The following NAALADL2 variants were observed in gnomAD, a reference collection of about 807,000 sequenced individuals.
NAALADL2 encodes N-acetylated alpha-linked acidic dipeptidase like 2.
A neutral mutation model predicts 87.2 loss-of-function variants in NAALADL2; 76 were observed. That is an observed-to-expected ratio of 0.87 (90% CI 0.72 to 1.05). The LOEUF (loss-of-function observed/expected upper bound fraction) is 1.05, where lower values mean the gene tolerates loss of function less well. Ranked by LOEUF, NAALADL2 falls within the 50% of genes least tolerant of loss-of-function variation. The pLI, the probability that NAALADL2 is intolerant of heterozygous loss-of-function variation, is 0.00. For synonymous variants in NAALADL2, 354 were observed against 331.0 expected (o/e 1.07, Z -0.75); for missense variants, 1,089 against 945.8 (o/e 1.15, Z -1.99).
chr3:175,514,172 C>A (rs1731535584), intron 9 of NAALADL2, among the ~76,000 whole-genome samples: 1 of 152,116 alleles, frequency 6.6e-6, no homozygotes, highest in African/African-American at 2.4e-5. Flanking sequence ...TTCTATAACC[C>A]TTGTAATTCA....
chr3:175,633,747 T>A (rs1336440693), intron 11 of NAALADL2, among the ~76,000 whole-genome samples: 2 of 151,738 alleles, frequency 1.3e-5, no homozygotes, highest in South Asian at 2.1e-4. Flanking sequence ...GAGAAAAAAA[T>A]TCCTTATTTT....
At chr3:175,411,007 G>A (rs1479038576) in intron 5 of NAALADL2, among the ~76,000 whole-genome samples, 4 of 152,082 alleles carry the variant, frequency 2.6e-5, no homozygotes, top group Non-Finnish European at 4.4e-5. Context: ...TTTTGGATGC[G>A]GTGTTATAGG....
At chr3:174,949,960 T>A (rs1052853472) in intron 1 of NAALADL2, among the ~76,000 whole-genome samples, 4 of 152,306 alleles carry the variant, frequency 2.6e-5, no homozygotes, top group African/African-American at 9.6e-5. Flanking sequence ...CATTGTCTAT[T>A]TGCATTGGAA....
At chr3:175,433,509 C>G (rs989829625) in intron 5 of NAALADL2, among the ~76,000 whole-genome samples, 2 of 151,960 alleles carry the variant, frequency 1.3e-5, no homozygotes, top group African/African-American at 4.8e-5. Flanking sequence ...TTAAGAACAC[C>G]CTAGCTTATT....
At chr3:175,318,605 T>G (rs147910185) in intron 4 of NAALADL2, among the ~76,000 whole-genome samples, 6 of 152,212 alleles carry the variant, frequency 3.9e-5, no homozygotes, top group Non-Finnish European at 7.4e-5. Context: ...TTTTGCAGTA[T>G]GTACATTCAT....
intron 5 of NAALADL2, among the ~76,000 whole-genome samples, chr3:175,363,786 T>A (rs1255001060): frequency 1.3e-5 from 2 of 148,250 alleles, no homozygotes; most frequent in African/African-American, 4.9e-5. Context: ...AGTCTGTAAC[T>A]AGAATATTGC....
At chr3:174,796,040 T>C (rs1718041708) in intron 3 of NAALADL2, among the ~76,000 whole-genome samples, 1 of 152,122 alleles carries the variant, frequency 6.6e-6, no homozygotes, top group African/African-American at 2.4e-5. Context: ...TTTAAATAGG[T>C]AATTAAGATC....
At chr3:175,114,237 A>G (rs758527396) in intron 2 of NAALADL2, among the ~76,000 whole-genome samples, 7 of 151,664 alleles carry the variant, frequency 4.6e-5, no homozygotes, top group Non-Finnish European at 7.4e-5. Context: ...GAGAAAGAGA[A>G]GAATTCTCAT....
chr3:175,438,919 G>C (rs1719212892), intron 5 of NAALADL2, among the ~76,000 whole-genome samples: 1 of 151,894 alleles, frequency 6.6e-6, no homozygotes, highest in Non-Finnish European at 1.5e-5. Context: ...AAGTCCTTTA[G>C]TGGTGATTTC....
chr3:174,661,492 C>A (rs1560125899), intron 2 of NAALADL2, among the ~76,000 whole-genome samples: 1 of 152,102 alleles, frequency 6.6e-6, no homozygotes, highest in African/African-American at 2.4e-5. Context: ...CTAAAAAGGA[C>A]ATATGTAAAT....
At chr3:175,743,168 T>G (rs1314760249) in intron 12 of NAALADL2, among the ~76,000 whole-genome samples, 1 of 151,974 alleles carries the variant, frequency 6.6e-6, no homozygotes, top group Non-Finnish European at 1.5e-5. Context: ...GCCCAGCTAA[T>G]TTTTGTATTT....
intron 10 of NAALADL2, among the ~76,000 whole-genome samples, chr3:175,620,055 G>A (rs927808004): frequency 7.0e-6 from 1 of 142,954 alleles, no homozygotes; most frequent in Non-Finnish European, 1.5e-5. Context: ...ACAGGGGCGA[G>A]AATTTTTATC....
At chr3:175,548,989 C>G (rs1443180337) in intron 9 of NAALADL2, among the ~76,000 whole-genome samples, 1 of 152,002 alleles carries the variant, frequency 6.6e-6, no homozygotes, top group African/African-American at 2.4e-5. Context: ...GAATTGTGTT[C>G]CTCAAGGTTT....
At chr3:175,614,993 A>G (rs1160236401) in intron 10 of NAALADL2, among the ~76,000 whole-genome samples, 1 of 152,230 alleles carries the variant, frequency 6.6e-6, no homozygotes, top group Non-Finnish European at 1.5e-5. Context: ...GGACAAAACA[A>G]GTAAACAACA....
chr3:175,496,283 G>T (rs1728796890), intron 9 of NAALADL2, among the ~76,000 whole-genome samples: 1 of 151,752 alleles, frequency 6.6e-6, no homozygotes, highest in Non-Finnish European at 1.5e-5. Flanking sequence ...TTTAAGACTT[G>T]TATTATATTT....
chr3:175,756,677 A>G (rs1747302846), intron 13 of NAALADL2, among the ~76,000 whole-genome samples: 1 of 152,048 alleles, frequency 6.6e-6, no homozygotes, highest in Non-Finnish European at 1.5e-5. Context: ...AAAGAGGGAG[A>G]GTTGAAAAGT....
chr3:174,958,938 A>G (rs1741567091), intron 1 of NAALADL2, among the ~76,000 whole-genome samples: 1 of 152,068 alleles, frequency 6.6e-6, no homozygotes, highest in Non-Finnish European at 1.5e-5. Context: ...TGTTTATGTA[A>G]TAACTATCAT....
intron 10 of NAALADL2, among the ~76,000 whole-genome samples, chr3:175,613,633 A>T (rs1724960226): frequency 2.0e-5 from 3 of 152,162 alleles, no homozygotes; most frequent in Admixed American, 6.5e-5. Flanking sequence ...GCTATTGTCT[A>T]TAGTATAGAC....
intron 1 of NAALADL2, among the ~76,000 whole-genome samples, chr3:174,985,843 T>C (rs1207034912): frequency 6.6e-6 from 1 of 151,932 alleles, no homozygotes; most frequent in Non-Finnish European, 1.5e-5. Context: ...TCCCAGCGAC[T>C]TGGGAGGCTG....
Sources: allele counts gnomAD v4.1 joint callset (sites outside exome capture counted in the v4.1 genomes callset), GRCh38; gene constraint gnomAD v4.1.1; transcripts MANE v1.5; gene names NCBI Gene and HGNC (gene_info 2026-07-23, HGNC 2026-07-21).